Variants in ZDHHC6 observed in about 807,000 individuals in gnomAD.
The protein encoded by ZDHHC6 is zDHHC palmitoyltransferase 6.
A neutral mutation model predicts 57.8 loss-of-function variants in ZDHHC6; 32 were observed. That is an observed-to-expected ratio of 0.55 (90% CI 0.42 to 0.74). ZDHHC6 has a LOEUF of 0.74. Ranked by LOEUF, ZDHHC6 falls within the 30% of genes least tolerant of loss-of-function variation. The probability of loss-of-function intolerance (pLI) is 0.00; values close to 1 mark genes in which losing one functional copy is unlikely to be tolerated. For missense variants in ZDHHC6, 433 were observed against 500.7 expected, an observed-to-expected ratio of 0.86 and a Z score of 1.29; for synonymous variants, 128 against 158.0, an observed-to-expected ratio of 0.81 and a Z score of 1.42.
chr10:112,425,401 A>G (rs779225609), downstream of ZDHHC6: 7 of 1,613,616 alleles, frequency 4.3e-6, no homozygotes. Context: ...AGGAGAATAC[A>G]TTGCACCAGA....
chr10:112,434,223 C>T (rs1845301594), intron 7 of ZDHHC6, 74 bp downstream of exon 7: 1 of 1,393,566 alleles, frequency 7.2e-7, no homozygotes, highest in African/African-American at 1.5e-5. Context: ...TACAAAATGT[C>T]ACTTGAGTTG....
chr10:112,445,592 G>A lies in ZDHHC6; in HGVS notation c.-156C>T. The A allele has an allele frequency of 1.2e-6, 1 of 854,664 alleles. No individual in the cohort carries two copies. Among genetic ancestry groups the A allele is most frequent in the Non-Finnish European group, 1.7e-6 (1 of 574,834 alleles). 52.9% of individuals were successfully genotyped at this position (854,664 alleles called of 1,614,324 possible). On this transcript the variant is annotated 5_prime_UTR_variant, in exon 2 of 11. Coordinates refer to ENST00000369405, the MANE Select transcript of ZDHHC6 (RefSeq NM_022494.3). ...GCAGATTACACCATTTTCACTGTCAGGCACCCAAAGCTCTTTATCTTAACT... is the reference window on the plus strand; with the variant it reads ...GCAGATTACACCATTTTCACTGTCAAGCACCCAAAGCTCTTTATCTTAACT...
chr10:112,432,425 G>A lies in ZDHHC6; in HGVS notation c.1042C>T (p.Arg348Ter), dbSNP rs1265969720. 14 of 1,614,080 alleles carry A rather than the reference G, an allele frequency of 8.7e-6. No individual in the cohort carries two copies. The highest frequency in any genetic ancestry group is 4.5e-5 in the East Asian group (2 of 44,866). The stretch of plus-strand genomic sequence containing the variant: ...AATTCCCCTTTTTGCAGCTGTATTC[G>A]AGGCTCTTCGGTGCAGGGACTTGTG... ...FFTSPCTEEPRIQLQKGEFIL... is the reference protein window; with the variant it reads ...FFTSPCTEEP The change falls in exon 9 of 11, where the codon CGA becomes TGA. Residue 348 changes from arginine (R) to a stop codon, truncating the protein, a stop_gained. Transcript: ENST00000369405. LOFTEE classifies it high-confidence loss of function.
downstream of ZDHHC6, chr10:112,427,100 ACT>A (rs1426582695): frequency 6.5e-6 from 7 of 1,071,504 alleles, no homozygotes; most frequent in African/African-American, 1.6e-5. Flanking sequence ...GGCATGTGTT[ACT>A]GTTACCTTTA....
intron 5 of ZDHHC6, among the ~76,000 whole-genome samples, chr10:112,439,626 T>TC (rs1845891206): frequency 2.7e-5 from 1 of 36,600 alleles, no homozygotes; most frequent in African/African-American, 1.3e-4. Context: ...TGAGACTCCG[T>TC]CTAAAAAAAA....
chr10:112,434,802 G>A (rs936191573), intron 6 of ZDHHC6, among the ~76,000 whole-genome samples: 3 of 152,180 alleles, frequency 2.0e-5, no homozygotes. Flanking sequence ...AAACAATTCA[G>A]GTATATAGAA....
chr10:112,425,179 C>T lies in ZDHHC6; in HGVS notation c.*458G>A, dbSNP rs1844620200. 8.5e-6 allele frequency: 5 copies of T among 586,806 alleles called. No individual in the cohort carries two copies. The Admixed American group carries it at 1.8e-4, about 21-fold the overall frequency. The allele number at this position is 586,806 out of a possible 1,614,324, so 36.3% of individuals were successfully genotyped here. ...GGTTCTTGCTGCACGATGCTTCCCTCCCCTTTCACCAAAGCCAAGAAAGAG... is the reference window on the plus strand; with the variant it reads ...GGTTCTTGCTGCACGATGCTTCCCTTCCCTTTCACCAAAGCCAAGAAAGAG... On this transcript the variant is annotated 3_prime_UTR_variant, in exon 12 of 12. Transcript: ENST00000626395.
chr10:112,443,994 G>A (rs1476957442), intron 2 of ZDHHC6, among the ~76,000 whole-genome samples: 4 of 152,204 alleles, frequency 2.6e-5, no homozygotes, highest in South Asian at 4.1e-4. Flanking sequence ...GACATTACCC[G>A]TCACCACCCC....
chr10:112,443,724 T>A, intron 2 of ZDHHC6, 118 bp from the exon 3 acceptor site: 1 of 703,894 alleles, frequency 1.4e-6, no homozygotes, highest in South Asian at 2.0e-5. Context: ...AACTTGCATT[T>A]CCAGTCCTCT....
At chr10:112,443,727 A>G in intron 2 of ZDHHC6, 121 bp from the exon 3 acceptor site, 1 of 697,706 alleles carries the variant, frequency 1.4e-6, no homozygotes, top group South Asian at 2.1e-5. Flanking sequence ...TTGCATTTCC[A>G]GTCCTCTTAT....
exon 12 of ZDHHC6, chr10:112,424,716 C>T (rs1467676563): frequency 6.6e-6 from 1 of 152,124 alleles, no homozygotes; most frequent in East Asian, 1.9e-4. Flanking sequence ...GCCATTTGTC[C>T]CAATTCTACA....
rs1403949476 is a variant in ZDHHC6 at position 112,440,525 on chromosome 10, G to A, written c.681+9C>T. The stretch of plus-strand genomic sequence containing the variant: ...GACACTTTTGACTTGAGGTAATTGA[G>A]ATGCTTACCTGGATAAAAAACAACA... On this transcript the variant is annotated intron_variant, in intron 5 of 10. Transcript: ENST00000369405. 2 of 1,611,030 alleles carry A rather than the reference G, an allele frequency of 1.2e-6. No homozygotes were observed. The highest frequency in any genetic ancestry group is 1.7e-6 in the Non-Finnish European group (2 of 1,178,108).
At chr10:112,428,905 A>G (rs1046062485), downstream of ZDHHC6, among the ~76,000 whole-genome samples, 4 of 152,234 alleles carry the variant, frequency 2.6e-5, no homozygotes, top group Admixed American at 2.0e-4. Context: ...CTAGTCTGCG[A>G]ACAGGTTAGT....
chr10:112,427,082 TG>T, downstream of ZDHHC6: 1 of 978,294 alleles, frequency 1.0e-6, no homozygotes, highest in Middle Eastern at 3.2e-4. Context: ...ATTATGTTTG[TG>T]GGAATGGGCA....
intron 3 of ZDHHC6, 28 bp downstream of exon 3, chr10:112,443,487 C>T (rs1292263726): frequency 6.3e-7 from 1 of 1,598,012 alleles, no homozygotes; most frequent in Non-Finnish European, 8.6e-7. Context: ...TTGATCAGTC[C>T]TCGCTGAACA....
rs372426799 is a variant in ZDHHC6, at chr10:112,442,281, A to G, written c.430T>C (p.Phe144Leu). Residue 144 changes from phenylalanine to leucine, a missense_variant, in exon 4 of 11, where the codon TTC becomes CTC. By Grantham distance (22) the Phe-to-Leu change is conservative (BLOSUM62 0). Coordinates refer to ENST00000369405, the MANE Select transcript of ZDHHC6 (RefSeq NM_022494.3). ...NCCGYQNHAS[F>L]TLFLLLAPLG... ...GGTGCTAAAAGGAGAAACAGTGTGA[A>G]CGAAGCATGATTTTGGTAACCACAA... 17 of 1,613,996 alleles carry G rather than the reference A, an allele frequency of 1.1e-5. No individual in the cohort carries two copies. The highest frequency in any genetic ancestry group is 1.4e-5 in the Non-Finnish European group (17 of 1,179,990).
chr10:112,434,890 T>G (rs1246255124), intron 6 of ZDHHC6, among the ~76,000 whole-genome samples: 1 of 152,140 alleles, frequency 6.6e-6, no homozygotes. Context: ...ATAGAACTGT[T>G]TTGTGGGGTG....
chr10:112,425,527 C>T, downstream of ZDHHC6: 1 of 1,482,472 alleles, frequency 6.7e-7, no homozygotes, highest in Non-Finnish European at 9.0e-7. Context: ...ACAAACCATG[C>T]TGGTTCTTGT....
chr10:112,434,265 AAAGG>A, intron 7 of ZDHHC6, 28 bp downstream of exon 7: 1 of 1,510,160 alleles, frequency 6.6e-7, no homozygotes, highest in Non-Finnish European at 8.9e-7. Context: ...GGCGAGGCAA[AAAGG>A]AAGGGCTATT....
Sources: allele counts gnomAD v4.1 joint callset (sites outside exome capture counted in the v4.1 genomes callset), GRCh38; gene constraint gnomAD v4.1.1; transcripts MANE v1.5; gene names NCBI Gene and HGNC (gene_info 2026-07-23, HGNC 2026-07-21).